Variants in KCNAB2 observed in about 807,000 individuals in gnomAD.
KCNAB2 encodes the protein potassium voltage-gated channel subfamily A regulatory beta subunit 2.
Under a neutral mutation model 63.6 loss-of-function variants are expected in KCNAB2, and 29 were observed. That is an observed-to-expected ratio of 0.46 (90% CI 0.34 to 0.62). The LOEUF is 0.62. Among genes scored for constraint, KCNAB2 ranks in the 20% least tolerant of loss-of-function variants. The pLI is 0.01. For missense variants in KCNAB2, 359 were observed against 563.9 expected (o/e 0.64, Z 3.68); for synonymous variants, 222 against 224.2 (o/e 0.99, Z 0.09).
rs1167298412 is a variant in KCNAB2 at position 6,078,873 on chromosome 1, A to G, written c.301-3322A>G. On this transcript the variant is annotated intron_variant, in intron 4 of 15. Transcript: ENST00000378083. The surrounding 1 kb of genome is among the most constrained non-coding windows in gnomAD (Gnocchi z 4.2). ...TCTGATCTCATGCTGATGCTGGCCC[A>G]TGGACCACGCTTTGCCTGGGGAAGG... Among the ~76,000 whole-genome samples the G allele has an allele frequency of 6.6e-6, 1 of 152,172 alleles. No individual in the cohort carries two copies. The highest frequency in any genetic ancestry group is 6.5e-5 in the Admixed American group (1 of 15,288).
rs1664707545 is a variant in KCNAB2 at position 6,086,474 on chromosome 1, C to CTGGAGTA, written c.426-993_426-992insTGGAGTA. ...TGCCAGAGCTCTGTGGCCGATGCTT[C>CTGGAGTA]GGGGCAGAGGAGGCCTCCTACTCCA... On this transcript the variant is annotated intron_variant, in intron 6 of 15. Transcript: ENST00000378083. This position sits in a 1 kb window ranked among gnomAD's most constrained non-coding sequence, Gnocchi z 4.2. The CTGGAGTA allele has an allele frequency of 1.3e-6, 1 of 789,828 alleles. No individual in the cohort carries two copies. The allele number at this position is 789,828 out of a possible 1,614,324, so 48.9% of individuals were successfully genotyped here.
At chr1:6,040,632 G>A (rs777718700) in exon 2 of KCNAB2, 23 of 1,613,464 alleles carry the variant, frequency 1.4e-5, no homozygotes, top group Admixed American at 1.0e-4. Flanking sequence ...GGGCTCCCCC[G>A]GGATGATCTA....
In KCNAB2 at chr1:6,045,922, C is replaced by T. The variant is rs1660884334; in HGVS notation, c.-288C>T. 1.0e-6 allele frequency: 1 copy of T among 985,352 alleles called. No homozygotes were observed. The highest frequency in any genetic ancestry group is 1.2e-6 in the Non-Finnish European group (1 of 829,950). 61.0% of individuals were successfully genotyped at this position (985,352 alleles called of 1,614,324 possible). A position where few individuals can be genotyped will look rare whatever the true frequency, so the allele number is the denominator to read the frequency against. ...TGCCAGGTTGCAGCACGGAACTGCA[C>T]TTCCCGAGCTTTTAGGGGAAGAGGC... is the stretch of plus-strand genomic sequence containing the variant. On this transcript the variant is annotated 5_prime_UTR_variant, in exon 1 of 16. Transcript: ENST00000378083. The surrounding 1 kb of genome is among the most constrained non-coding windows in gnomAD (Gnocchi z 4.8).
chr1:6,004,990 A>G (rs561203874), intron 1 of KCNAB2, among the ~76,000 whole-genome samples: 149 of 60,370 alleles, frequency 2.5e-3, no homozygotes, highest in Non-Finnish European at 3.4e-3. Context: ...GTGCAGGCAG[A>G]GATCTGGGAG....
At chr1:6,093,308 A>G (rs902468264) in intron 10 of KCNAB2, among the ~76,000 whole-genome samples, 3 of 152,208 alleles carry the variant, frequency 2.0e-5, no homozygotes, top group Admixed American at 1.3e-4. Context: ...CAAGCACTGT[A>G]TCCGACCCGT....
Position 6,098,914 on chromosome 1 carries a change from G to T in KCNAB2, c.*340G>T. ...AAAGTCAAGGCCCAAAGATTTCCAA[G>T]GTTCCCAAAGTCAAGGCCAGGCCAA... On this transcript the variant is annotated 3_prime_UTR_variant, in exon 16 of 16. Coordinates refer to ENST00000378083, the MANE Select transcript of KCNAB2 (RefSeq NM_001199862.2). The T allele has an allele frequency of 4.3e-6, 1 of 230,626 alleles. No homozygotes were observed. Among genetic ancestry groups the T allele is most frequent in the Non-Finnish European group, 8.5e-6 (1 of 117,828 alleles). 14.3% of individuals were successfully genotyped at this position (230,626 alleles called of 1,614,324 possible).
At chr1:6,004,210 C>A (rs903832895) in intron 1 of KCNAB2, among the ~76,000 whole-genome samples, 3 of 151,864 alleles carry the variant, frequency 2.0e-5, no homozygotes, top group African/African-American at 7.3e-5. Flanking sequence ...TCTCATAGAA[C>A]CTGCTCTGGT....
chr1:6,056,336 C>T (rs764958388), intron 2 of KCNAB2, among the ~76,000 whole-genome samples: 4 of 152,214 alleles, frequency 2.6e-5, no homozygotes, highest in Non-Finnish European at 5.9e-5. Context: ...TGAGCCACCG[C>T]GCCCGGCCTA....
In KCNAB2 at chr1:6,048,827, T is replaced by G. The variant is rs550000540; in HGVS notation, c.-27+2644T>G. The stretch of plus-strand genomic sequence containing the variant: ...CATGGCCACCTCAGAAGCAGCTGCC[T>G]GCCACGCGCATGGAGGGAAGGGAGT... On this transcript the variant is annotated intron_variant, in intron 1 of 15. Coordinates refer to ENST00000378083, the MANE Select transcript of KCNAB2 (RefSeq NM_001199862.2). Among the ~76,000 whole-genome samples the G allele has an allele frequency of 3.3e-5, 5 of 152,284 alleles. No individual in the cohort carries two copies. In the East Asian group the frequency reaches 9.7e-4, roughly 29 times the overall value.
At position 6,011,368 on chromosome 1, in the gene KCNAB2, G is replaced by A. The variant is rs1265149619; in HGVS notation, c.-53+18580G>A. Among the ~76,000 whole-genome samples, 11 of 144,130 alleles carry A rather than the reference G, an allele frequency of 7.6e-5. No homozygotes were observed. In the East Asian group the frequency reaches 1.6e-3, roughly 21 times the overall value. The allele number at this position is 144,130 out of a possible 152,430, so 94.6% of individuals were successfully genotyped here. On this transcript the variant is annotated intron_variant, in intron 1 of 16. Transcript: ENST00000341524. ...CGGCTGTGCCCAGGGCCAGGTGTGC[G>A]GGAGGCGAGGCAGGCAGCTGTGCCC...
rs1465770075 is a variant in KCNAB2, at chr1:6,078,751, T to C, written c.301-3444T>C. ...CTGCTGCACTGGGAATGGCGAGTCA[T>C]GAGGATGTCCCAGAGTTCAGCGTGT... On this transcript the variant is annotated intron_variant, in intron 4 of 15. Coordinates refer to ENST00000378083, the MANE Select transcript of KCNAB2 (RefSeq NM_001199862.2). This position sits in a 1 kb window ranked among gnomAD's most constrained non-coding sequence, Gnocchi z 4.2. 6.6e-6 allele frequency among the ~76,000 whole-genome samples: 1 copy of C among 152,146 alleles called. No homozygotes were observed. The highest frequency in any genetic ancestry group is 1.5e-5 in the Non-Finnish European group (1 of 68,024).
chr1:6,030,927 G>GT (rs1553119665), upstream of KCNAB2, among the ~76,000 whole-genome samples: 5 of 149,454 alleles, frequency 3.3e-5, no homozygotes, highest in Non-Finnish European at 5.9e-5. Flanking sequence ...TATGTGTAGG[G>GT]GTGTGTGTGT....
upstream of KCNAB2, among the ~76,000 whole-genome samples, chr1:6,030,724 GTT>G (rs1557427347): frequency 6.6e-6 from 1 of 151,220 alleles, no homozygotes; most frequent in Non-Finnish European, 1.5e-5. Flanking sequence ...GTATGTGTAT[GTT>G]TATGTGTGTT....
upstream of KCNAB2, among the ~76,000 whole-genome samples, chr1:6,033,339 A>ATGTG (rs59965594): frequency 6.9e-6 from 1 of 145,558 alleles, no homozygotes; most frequent in Non-Finnish European, 1.5e-5. Flanking sequence ...TGTATTGTGC[A>ATGTG]TGTGTGTGTG....
rs138231630 is a variant in KCNAB2, at chr1:6,009,044, C to T, written c.-53+16256C>T. On this transcript the variant is annotated intron_variant, in intron 1 of 16. Coordinates refer to the KCNAB2 transcript ENST00000341524. The stretch of plus-strand genomic sequence containing the variant: ...CCCTGGGTGCACTGCACCCCACAGT[C>T]CAACCCTTCTCCCCCAGGAGCTGCA... Among the ~76,000 whole-genome samples the T allele has an allele frequency of 5.3e-5, 8 of 152,362 alleles. No homozygotes were observed. In the East Asian group the frequency reaches 1.5e-3, roughly 29 times the overall value.
At chr1:6,084,620 A>C (rs566390588) in intron 5 of KCNAB2, among the ~76,000 whole-genome samples, 2 of 152,168 alleles carry the variant, frequency 1.3e-5, no homozygotes, top group East Asian at 1.9e-4. Flanking sequence ...GTTCGAGACC[A>C]GCCTGGCCAA....
intron 1 of KCNAB2, among the ~76,000 whole-genome samples, chr1:5,997,968 G>A (rs182150457): frequency 6.6e-5 from 10 of 152,386 alleles, no homozygotes; most frequent in African/African-American, 2.2e-4. Flanking sequence ...GGAAAGGGAT[G>A]CAGTGACCAC....
rs1034508532 is a variant in KCNAB2, at chr1:6,097,320, A to G, written c.1121A>G (p.Asn374Ser). 2.0e-5 allele frequency: 31 copies of G among 1,552,774 alleles called. No individual in the cohort carries two copies. The highest frequency in any genetic ancestry group is 1.7e-4 in the Middle Eastern group (1 of 6,012). Reference protein sequence around the residue: ...GVSSVLLGASNADQLMENIGA... With the variant: ...GVSSVLLGASSADQLMENIGA... ...AGCTCCGTGCTCCTGGGGGCCTCCA[A>G]TGCGGACCAGCTCATGGAGAACATT... Residue 374 changes from asparagine (N) to serine (S), a missense_variant, in exon 15 of 16, where the codon AAT becomes AGT. Coordinates refer to ENST00000378083, the MANE Select transcript of KCNAB2 (RefSeq NM_001199862.2).
At chr1:6,015,965 G>C (rs1336499422) in intron 1 of KCNAB2, among the ~76,000 whole-genome samples, 2 of 152,188 alleles carry the variant, frequency 1.3e-5, no homozygotes, top group South Asian at 4.1e-4. Flanking sequence ...GCCTCCCAAA[G>C]TGTTAGGATT....
Sources: allele counts gnomAD v4.1 joint callset (sites outside exome capture counted in the v4.1 genomes callset), GRCh38; gene constraint gnomAD v4.1.1; non-coding constraint Gnocchi (gnomAD v3.1); transcripts MANE v1.5; gene names NCBI Gene and HGNC (gene_info 2026-07-23, HGNC 2026-07-21).